Variants in PRKCE observed in about 807,000 individuals in gnomAD.
The protein encoded by PRKCE is protein kinase C epsilon, also known as protein kinase C epsilon type.
In PRKCE, 16 loss-of-function variants were observed where a neutral mutation model predicts 85.4. The observed-to-expected ratio is 0.19, with a 90% confidence interval of 0.13 to 0.28. PRKCE has a LOEUF of 0.28. PRKCE is among the 10% of genes least tolerant of loss of function. The pLI is 1.00. For missense variants in PRKCE, 573 were observed against 975.2 expected (o/e 0.59, Z 5.49); for synonymous variants, 388 against 371.5 (o/e 1.04, Z -0.51).
intron 10 of PRKCE, among the ~76,000 whole-genome samples, chr2:46,022,239 C>T (rs1706731626): frequency 6.6e-6 from 1 of 152,186 alleles, no homozygotes; most frequent in African/African-American, 2.4e-5. Context: ...TGACTTTTCT[C>T]ATTCATAATA....
At chr2:45,845,841 G>C (rs775481983) in intron 2 of PRKCE, 1 of 152,186 alleles carries the variant, frequency 6.6e-6, no homozygotes, top group Non-Finnish European at 1.5e-5. Flanking sequence ...ATGTAAGGGG[G>C]TCAGGCTAGA....
At chr2:45,965,543 A>T (rs1701677803) in intron 2 of PRKCE, among the ~76,000 whole-genome samples, 1 of 152,236 alleles carries the variant, frequency 6.6e-6, no homozygotes, top group Non-Finnish European at 1.5e-5. Context: ...CCCAGTCATA[A>T]TCACTGTACT....
intron 2 of PRKCE, among the ~76,000 whole-genome samples, chr2:45,887,648 T>C (rs1167253901): frequency 6.6e-6 from 1 of 152,128 alleles, no homozygotes; most frequent in Admixed American, 6.5e-5. Flanking sequence ...ATGACTTTTA[T>C]GGTTCTAGAA....
intron 2 of PRKCE, among the ~76,000 whole-genome samples, chr2:45,870,118 G>A (rs1007155175): frequency 6.6e-6 from 1 of 152,100 alleles, no homozygotes; most frequent in African/African-American, 2.4e-5. Flanking sequence ...TTCCCATCAG[G>A]CCCATTGCAG....
At chr2:45,929,532 G>A (rs957538134) in intron 2 of PRKCE, among the ~76,000 whole-genome samples, 6 of 152,134 alleles carry the variant, frequency 3.9e-5, no homozygotes, top group Non-Finnish European at 8.8e-5. Flanking sequence ...GTAGAAGGAG[G>A]CAGTGTCTAG....
At position 46,011,036 on chromosome 2, in the gene PRKCE, A is replaced by C. The variant is rs1004030173; in HGVS notation, c.1437+519A>C. ...TACCGCATAGGTGTCTGGGAACCAG[A>C]AGGTGGCAGTAAAGAAACAAAGATA... On this transcript the variant is annotated intron_variant, in intron 10 of 14. Transcript: ENST00000306156. 15 of 1,019,016 alleles carry C rather than the reference A, an allele frequency of 1.5e-5. No homozygotes were observed. The East Asian group carries it at 4.3e-4, about 29-fold the overall frequency. 63.1% of individuals were successfully genotyped at this position (1,019,016 alleles called of 1,614,324 possible).
intron 1 of PRKCE, among the ~76,000 whole-genome samples, chr2:45,682,115 A>T (rs111695316): frequency 1.3e-5 from 2 of 152,188 alleles, no homozygotes; most frequent in Admixed American, 6.5e-5. Context: ...AACTTATTAA[A>T]TTTTTTACAA....
At chr2:45,723,657 T>A (rs1338519160) in intron 1 of PRKCE, among the ~76,000 whole-genome samples, 2 of 152,200 alleles carry the variant, frequency 1.3e-5, no homozygotes, top group African/African-American at 4.8e-5. Context: ...CAGGCTGGAG[T>A]GCAGTGGCGC....
At chr2:45,852,982 G>A (rs1404936281) in intron 2 of PRKCE, among the ~76,000 whole-genome samples, 1 of 152,190 alleles carries the variant, frequency 6.6e-6, no homozygotes, top group Non-Finnish European at 1.5e-5. Context: ...ACTTGGAGTA[G>A]CAGGAGACTG....
intron 2 of PRKCE, among the ~76,000 whole-genome samples, chr2:45,899,443 C>T (rs960662176): frequency 2.6e-5 from 4 of 151,190 alleles, no homozygotes; most frequent in Middle Eastern, 3.4e-3. Context: ...TGCAGTGGCA[C>T]AATCATGGCT....
intron 1 of PRKCE, among the ~76,000 whole-genome samples, chr2:45,808,051 A>ACTGTTGCTG (rs1406298091): frequency 6.6e-6 from 1 of 151,958 alleles, no homozygotes; most frequent in African/African-American, 2.4e-5. Flanking sequence ...GCGCTCCCAG[A>ACTGTTGCTG]CTGTTGCTGA....
intron 2 of PRKCE, among the ~76,000 whole-genome samples, chr2:45,892,874 A>G (rs1695835978): frequency 6.6e-6 from 1 of 152,172 alleles, no homozygotes; most frequent in Non-Finnish European, 1.5e-5. Context: ...GCGACCAGAA[A>G]TGTGCAGCAG....
At chr2:45,918,850 G>A (rs917519834) in intron 2 of PRKCE, among the ~76,000 whole-genome samples, 2 of 152,202 alleles carry the variant, frequency 1.3e-5, no homozygotes, top group Non-Finnish European at 2.9e-5. Flanking sequence ...GAAGCCCAAA[G>A]GACAGGCCGT....
chr2:46,079,832 C>G (rs1413402660), intron 10 of PRKCE, among the ~76,000 whole-genome samples: 2 of 152,210 alleles, frequency 1.3e-5, no homozygotes, highest in Non-Finnish European at 2.9e-5. Flanking sequence ...GAAAGATTAA[C>G]GCTCTGGGAA....
Position 46,138,406 on chromosome 2 carries a change from A to C in PRKCE, c.1593-6687A>C, listed in dbSNP as rs1165666021. ...CTTACCAGCCATGTGACCTCAGACA[A>C]GTTACCTTTTCTGAGCCTCAGTTTC... On this transcript the variant is annotated intron_variant, in intron 11 of 14. Transcript: ENST00000306156. The surrounding 1 kb of genome is among the most constrained non-coding windows in gnomAD (Gnocchi z 4.2). 2.0e-5 allele frequency among the ~76,000 whole-genome samples: 3 copies of C among 152,226 alleles called. No homozygotes were observed. The highest frequency in any genetic ancestry group is 7.2e-5 in the African/African-American group (3 of 41,454).
chr2:45,906,862 G>A (rs186113355), intron 2 of PRKCE, among the ~76,000 whole-genome samples: 1 of 152,364 alleles, frequency 6.6e-6, no homozygotes, highest in Non-Finnish European at 1.5e-5. Context: ...TTGATACTCA[G>A]AACATCTTCA....
intron 2 of PRKCE, 81 bp downstream of exon 2, chr2:45,843,144 G>A (rs1038029603): frequency 2.4e-5 from 29 of 1,229,422 alleles, no homozygotes; most frequent in Middle Eastern, 2.0e-4. Context: ...CCCCTTGGCC[G>A]GAACACATTA....
intron 10 of PRKCE, among the ~76,000 whole-genome samples, chr2:46,084,283 A>G (rs1485020340): frequency 6.6e-6 from 1 of 152,246 alleles, no homozygotes; most frequent in African/African-American, 2.4e-5. Flanking sequence ...ACAATTCTTA[A>G]CTATGGACTT....
chr2:46,167,398 T>C (rs1678444902), intron 14 of PRKCE, among the ~76,000 whole-genome samples: 1 of 152,250 alleles, frequency 6.6e-6, no homozygotes, highest in African/African-American at 2.4e-5. Flanking sequence ...GTTGATGCTG[T>C]TGGTGAGGAG....
Sources: allele counts gnomAD v4.1 joint callset (sites outside exome capture counted in the v4.1 genomes callset), GRCh38; gene constraint gnomAD v4.1.1; non-coding constraint Gnocchi (gnomAD v3.1); transcripts MANE v1.5; gene names NCBI Gene and HGNC (gene_info 2026-07-23, HGNC 2026-07-21).